ERICH1: variants seen among roughly 807,000 people sequenced by gnomAD.
ERICH1 encodes glutamate rich 1, also known as glutamate-rich protein 1.
In ERICH1, 56 loss-of-function variants were observed where a neutral mutation model predicts 39.6. The ratio of observed to expected loss-of-function variants is 1.41; its 90% CI spans 1.14 to 1.77. The LOEUF is 1.77. Among genes scored for constraint, ERICH1 ranks in the 40% most tolerant of loss-of-function variants. ERICH1 has a pLI of 0.00. For missense variants in ERICH1, 826 were observed against 575.4 expected (o/e 1.44, Z -4.45); for synonymous variants, 313 against 223.6 (o/e 1.40, Z -3.57).
intron 1 of ERICH1, among the ~76,000 whole-genome samples, chr8:726,615 C>A (rs1483501271): frequency 6.6e-6 from 1 of 151,290 alleles, no homozygotes. Flanking sequence ...CACATGCATG[C>A]ACATAGACAC....
intron 3 of ERICH1, among the ~76,000 whole-genome samples, chr8:684,169 A>G (rs906723363): frequency 2.0e-5 from 3 of 152,206 alleles, no homozygotes; most frequent in South Asian, 2.1e-4. Context: ...ATAAGCAATA[A>G]AAGTCTTAAA....
At chr8:694,954 G>A (rs986662498) in intron 2 of ERICH1, among the ~76,000 whole-genome samples, 3 of 152,088 alleles carry the variant, frequency 2.0e-5, no homozygotes, top group African/African-American at 7.2e-5. Flanking sequence ...GGGTCAGAGA[G>A]GGGCAGTCAG....
chr8:623,911 T>A (rs576643758), intron 3 of ERICH1, among the ~76,000 whole-genome samples: 1 of 152,202 alleles, frequency 6.6e-6, no homozygotes, highest in East Asian at 1.9e-4. Context: ...TTGGCTACAT[T>A]AAAATTAAAA....
At chr8:713,113 G>A (rs1048725454) in intron 2 of ERICH1, among the ~76,000 whole-genome samples, 10 of 152,342 alleles carry the variant, frequency 6.6e-5, no homozygotes, top group Admixed American at 3.9e-4. Context: ...GCCTCTCTAC[G>A]TATGTGTGTC....
intron 3 of ERICH1, among the ~76,000 whole-genome samples, chr8:653,660 C>A (rs1434776918): frequency 1.3e-5 from 2 of 152,210 alleles, no homozygotes; most frequent in Non-Finnish European, 2.9e-5. Flanking sequence ...TGAAGTGTTT[C>A]TTTTAACAAA....
intron 2 of ERICH1, among the ~76,000 whole-genome samples, chr8:706,959 A>G (rs959267003): frequency 1.3e-5 from 2 of 152,268 alleles, no homozygotes; most frequent in Admixed American, 1.3e-4. Flanking sequence ...TCAAAATTTC[A>G]AATGATTTTT....
chr8:688,490 C>T (rs1036211367), intron 3 of ERICH1, among the ~76,000 whole-genome samples: 59 of 151,928 alleles, frequency 3.9e-4, no homozygotes, highest in African/African-American at 1.4e-3. Context: ...GGGTCAGCTC[C>T]TACAACGCCA....
At chr8:627,347 C>T in intron 3 of ERICH1, 1 of 389,698 alleles carries the variant, frequency 2.6e-6, no homozygotes, top group South Asian at 1.8e-5. Flanking sequence ...CCTTGTCTCC[C>T]ATTCCTGGAC....
intron 1 of ERICH1, among the ~76,000 whole-genome samples, chr8:727,919 G>T (rs987644668): frequency 3.3e-5 from 5 of 152,204 alleles, no homozygotes; most frequent in South Asian, 4.1e-4. Flanking sequence ...AAATCCAGGG[G>T]CGCATCCTCC....
intron 3 of ERICH1, among the ~76,000 whole-genome samples, chr8:674,788 C>T (rs1585198521): frequency 1.3e-5 from 2 of 152,246 alleles, no homozygotes; most frequent in South Asian, 2.1e-4. Flanking sequence ...CATCAGGTTG[C>T]GTTTTGACAC....
intron 2 of ERICH1, among the ~76,000 whole-genome samples, chr8:694,433 T>C (rs1809661374): frequency 6.6e-6 from 1 of 152,220 alleles, no homozygotes; most frequent in African/African-American, 2.4e-5. Flanking sequence ...GAAATGTCAT[T>C]GTTCACTTAA....
At chr8:693,231 G>C (rs1168518523) in intron 2 of ERICH1, among the ~76,000 whole-genome samples, 1 of 151,716 alleles carries the variant, frequency 6.6e-6, no homozygotes, top group African/African-American at 2.4e-5. Flanking sequence ...GAGACACACA[G>C]AGAGATACAC....
At chr8:721,446 G>A (rs907116107) in intron 1 of ERICH1, among the ~76,000 whole-genome samples, 11 of 152,194 alleles carry the variant, frequency 7.2e-5, no homozygotes, top group Non-Finnish European at 1.5e-4. Context: ...CGGACACGGC[G>A]CCACTTGGGT....
At chr8:663,894 G>A (rs1347682193), downstream of ERICH1, among the ~76,000 whole-genome samples, 2 of 152,004 alleles carry the variant, frequency 1.3e-5, no homozygotes, top group Admixed American at 1.3e-4. Context: ...AGAGTAGCTG[G>A]GACTACAGGC....
chr8:689,895 C>T (rs557895343), intron 3 of ERICH1, among the ~76,000 whole-genome samples: 78 of 152,280 alleles, frequency 5.1e-4, no homozygotes, highest in East Asian at 1.9e-3. Flanking sequence ...TCCTACGACG[C>T]GCCAGGACCG....
At chr8:655,055 C>T (rs1001643193) in intron 3 of ERICH1, among the ~76,000 whole-genome samples, 2 of 152,188 alleles carry the variant, frequency 1.3e-5, no homozygotes, top group African/African-American at 2.4e-5. Context: ...TACAGAAAGC[C>T]GTGGAGAACA....
intron 3 of ERICH1, among the ~76,000 whole-genome samples, chr8:636,191 G>A (rs760926063): frequency 1.3e-5 from 2 of 152,122 alleles, no homozygotes; most frequent in Non-Finnish European, 2.9e-5. Context: ...GCCCTGGGCC[G>A]AGCTGAATCC....
chr8:639,230 A>G (rs1798714296), intron 3 of ERICH1, among the ~76,000 whole-genome samples: 1 of 151,358 alleles, frequency 6.6e-6, no homozygotes, highest in African/African-American at 2.4e-5. Context: ...CTGTGTTCCC[A>G]CTCATCCCAT....
At chr8:689,005 C>A (rs1808309968) in intron 3 of ERICH1, among the ~76,000 whole-genome samples, 1 of 152,220 alleles carries the variant, frequency 6.6e-6, no homozygotes, top group Non-Finnish European at 1.5e-5. Flanking sequence ...CTCTCCAGGT[C>A]TTTTGATTAA....
Sources: gnomAD v4.1 joint callset for allele counts (sites outside exome capture counted in the v4.1 genomes callset) on GRCh38, gnomAD v4.1.1 for gene constraint, MANE v1.5 for transcripts, NCBI Gene and HGNC (gene_info 2026-07-23, HGNC 2026-07-21) for gene names.